The following EXOC4 variants were observed in gnomAD, a reference collection of about 807,000 sequenced individuals.
EXOC4 encodes the protein SEC8-like 1.
EXOC4 carries 71 observed loss-of-function variants against 107.2 expected under a neutral mutation model. That is an observed-to-expected ratio of 0.66 (90% CI 0.55 to 0.81). The LOEUF (loss-of-function observed/expected upper bound fraction) is 0.81. Among genes scored for constraint, EXOC4 ranks in the 30% least tolerant of loss-of-function variants. The pLI is 0.00. For synonymous variants in EXOC4, 456 were observed against 441.2 expected (o/e 1.03, Z -0.42); for missense variants, 1,108 against 1,189.6 (o/e 0.93, Z 1.01).
At chr7:133,637,537 A>G (rs1432955678) in intron 10 of EXOC4, among the ~76,000 whole-genome samples, 1 of 152,182 alleles carries the variant, frequency 6.6e-6, no homozygotes, top group Non-Finnish European at 1.5e-5. Flanking sequence ...CTAGCAAATA[A>G]TGTTGTAGAT....
At chr7:134,061,298 C>G (rs1796049929) in intron 17 of EXOC4, among the ~76,000 whole-genome samples, 1 of 152,158 alleles carries the variant, frequency 6.6e-6, no homozygotes, top group Non-Finnish European at 1.5e-5. Flanking sequence ...AAATCCAGTT[C>G]TTTTGGTTTA....
At chr7:133,286,804 T>G (rs899130078) in intron 2 of EXOC4, among the ~76,000 whole-genome samples, 3 of 152,232 alleles carry the variant, frequency 2.0e-5, no homozygotes, top group African/African-American at 7.2e-5. Context: ...TGTCCCACTT[T>G]GACTTCATCC....
intron 9 of EXOC4, among the ~76,000 whole-genome samples, chr7:133,557,303 G>A (rs1437792659): frequency 6.6e-6 from 1 of 151,316 alleles, no homozygotes; most frequent in African/African-American, 2.4e-5. Context: ...GTCTTAGGTT[G>A]CATTTTTTTT....
intron 10 of EXOC4, among the ~76,000 whole-genome samples, chr7:133,649,827 G>A (rs796519335): frequency 6.6e-6 from 1 of 152,078 alleles, no homozygotes; most frequent in Non-Finnish European, 1.5e-5. Context: ...CAGTATTTTT[G>A]TTGATGCTGT....
intron 9 of EXOC4, among the ~76,000 whole-genome samples, chr7:133,599,384 T>TA (rs1196563561): frequency 2.0e-5 from 3 of 152,240 alleles, no homozygotes; most frequent in Non-Finnish European, 4.4e-5. Flanking sequence ...TGCTGAATGC[T>TA]ACTGTCTTCT....
intron 9 of EXOC4, among the ~76,000 whole-genome samples, chr7:133,543,948 G>A (rs1280688056): frequency 6.6e-6 from 1 of 151,972 alleles, no homozygotes; most frequent in Non-Finnish European, 1.5e-5. Flanking sequence ...AATGAAATTA[G>A]GTTTATCTTA....
At chr7:133,911,472 AC>A (rs1799693896) in intron 12 of EXOC4, among the ~76,000 whole-genome samples, 1 of 152,196 alleles carries the variant, frequency 6.6e-6, no homozygotes, top group African/African-American at 2.4e-5. Flanking sequence ...AAATGTACTA[AC>A]ATATTTATTG....
chr7:134,018,575 CCTT>C (rs1794960323), intron 17 of EXOC4, among the ~76,000 whole-genome samples: 1 of 152,146 alleles, frequency 6.6e-6, no homozygotes. Flanking sequence ...TTCTCTGAAA[CCTT>C]CTCCAATGTG....
At chr7:133,823,901 A>ATAT (rs1797628845) in intron 11 of EXOC4, among the ~76,000 whole-genome samples, 2 of 28,178 alleles carry the variant, frequency 7.1e-5, no homozygotes, top group African/African-American at 7.8e-4. Flanking sequence ...TATTTTATAT[A>ATAT]TATATATATA....
At chr7:133,840,409 A>G (rs767544579) in intron 11 of EXOC4, among the ~76,000 whole-genome samples, 20 of 152,248 alleles carry the variant, frequency 1.3e-4, no homozygotes, top group Non-Finnish European at 2.8e-4. Flanking sequence ...TACAAAGGTT[A>G]CCTCAGATAG....
chr7:133,253,301 C>A, intron 1 of EXOC4, 114 bp downstream of exon 1: 1 of 1,441,872 alleles, frequency 6.9e-7, no homozygotes, highest in South Asian at 1.5e-5. Flanking sequence ...CTCCTTGCCT[C>A]CCGCAGCCCC....
At chr7:133,751,258 G>A (rs74428268) in intron 10 of EXOC4, among the ~76,000 whole-genome samples, 1 of 152,170 alleles carries the variant, frequency 6.6e-6, no homozygotes, top group African/African-American at 2.4e-5. Context: ...ATTCCCAAAT[G>A]TTACAATTAA....
At chr7:133,341,262 G>A (rs1267224649) in intron 5 of EXOC4, among the ~76,000 whole-genome samples, 2 of 152,120 alleles carry the variant, frequency 1.3e-5, no homozygotes, top group East Asian at 3.9e-4. Context: ...AGAATTTTCA[G>A]ATTTCCATCT....
At chr7:133,961,198 T>A (rs1800934651) in intron 14 of EXOC4, among the ~76,000 whole-genome samples, 1 of 144,506 alleles carries the variant, frequency 6.9e-6, no homozygotes, top group African/African-American at 2.6e-5. Context: ...CCAGGCAGCC[T>A]CCCAAAGCTG....
intron 17 of EXOC4, among the ~76,000 whole-genome samples, chr7:134,016,845 G>T (rs1004844350): frequency 6.6e-6 from 1 of 152,202 alleles, no homozygotes; most frequent in African/African-American, 2.4e-5. Flanking sequence ...GATAGAAGGG[G>T]ATTAGCAATG....
At chr7:133,586,122 AG>A (rs1248310763) in intron 9 of EXOC4, among the ~76,000 whole-genome samples, 3 of 141,530 alleles carry the variant, frequency 2.1e-5, no homozygotes, top group African/African-American at 8.5e-5. Context: ...GTACATATAC[AG>A]GTTTGTTAGA....
chr7:133,579,252 A>C (rs1468850426), intron 9 of EXOC4, among the ~76,000 whole-genome samples: 1 of 152,182 alleles, frequency 6.6e-6, no homozygotes, highest in Non-Finnish European at 1.5e-5. Flanking sequence ...AGCATAGTGT[A>C]TAATATATTG....
intron 11 of EXOC4, among the ~76,000 whole-genome samples, chr7:133,880,837 C>T (rs1457702424): frequency 1.3e-5 from 2 of 152,098 alleles, no homozygotes; most frequent in Non-Finnish European, 2.9e-5. Flanking sequence ...TGATAATTTA[C>T]ATCATATACA....
chr7:133,612,075 G>A (rs998711212), intron 9 of EXOC4, among the ~76,000 whole-genome samples: 1 of 152,078 alleles, frequency 6.6e-6, no homozygotes, highest in African/African-American at 2.4e-5. Flanking sequence ...GTAATCTTTA[G>A]TATTCATGTT....
Sources: allele counts gnomAD v4.1 joint callset (sites outside exome capture counted in the v4.1 genomes callset), GRCh38; gene constraint gnomAD v4.1.1; transcripts MANE v1.5; gene names NCBI Gene and HGNC (gene_info 2026-07-23, HGNC 2026-07-21).